TLE2: variants seen among roughly 807,000 people sequenced by gnomAD.
The protein encoded by TLE2 is transducin-like enhancer protein 2.
Under a neutral mutation model 97.2 loss-of-function variants are expected in TLE2, and 74 were observed. The observed-to-expected ratio is 0.76, with a 90% CI of 0.63 to 0.92. The LOEUF is 0.92. Ranked by LOEUF, TLE2 falls within the 40% of genes least tolerant of loss-of-function variation. TLE2 has a pLI of 0.00. For synonymous variants in TLE2, 499 were observed against 432.1 expected (o/e 1.15, Z -1.92); for missense variants, 1,038 against 1,008.7 (o/e 1.03, Z -0.39).
At chr19:3,030,649 G>T (rs1330243615), upstream of TLE2, among the ~76,000 whole-genome samples, 2 of 152,044 alleles carry the variant, frequency 1.3e-5, no homozygotes, top group Non-Finnish European at 2.9e-5. Context: ...ATGGGCCAGG[G>T]GTGGTGGGTC....
At position 3,009,718 on chromosome 19, in the gene TLE2, C is replaced by T. The variant is rs933179604; in HGVS notation, c.1013-16G>A. On this transcript the variant is annotated splice_polypyrimidine_tract_variant and intron_variant, in intron 12 of 19. Transcript: ENST00000262953. ...CTCCTCAGGGCTGAGACGGAAGAGT[C>T]GGGGACAGGTTTTGACGCCCTGGAC... is the stretch of plus-strand genomic sequence containing the variant. 15 of 1,600,836 alleles carry T rather than the reference C, an allele frequency of 9.4e-6. No individual in the cohort carries two copies. The highest frequency in any genetic ancestry group is 6.7e-5 in the East Asian group (3 of 44,522).
chr19:3,005,678 C>T (rs1366919932), intron 16 of TLE2, 43 bp downstream of exon 16: 11 of 1,606,488 alleles, frequency 6.8e-6, no homozygotes, highest in Middle Eastern at 1.7e-4. Context: ...GCACCGAGAG[C>T]GGCCGGGGGC....
chr19:3,039,655 C>T (rs1360464205), intron 1 of TLE2, among the ~76,000 whole-genome samples: 1 of 152,110 alleles, frequency 6.6e-6, no homozygotes, highest in African/African-American at 2.4e-5. Flanking sequence ...CTGCCCAGGC[C>T]CCAACACACC....
intron 5 of TLE2, among the ~76,000 whole-genome samples, chr19:3,022,890 T>A (rs2089872342): frequency 6.6e-6 from 1 of 152,232 alleles, no homozygotes; most frequent in East Asian, 1.9e-4. Flanking sequence ...GTCACTGTAA[T>A]GGGAAAGCTG....
Position 3,006,644 on chromosome 19 carries a change from C to G in TLE2, c.1276G>C (p.Asp426His). Residue 426 changes from aspartate (D) to histidine (H), a missense_variant, in exon 15 of 20, where the codon GAC becomes CAC. Asp to His is a moderately conservative substitution (Grantham distance 81, BLOSUM62 -1). Coordinates refer to ENST00000262953, the MANE Select transcript of TLE2 (RefSeq NM_003260.5). ...AAGGGAACCGGCTGCATCTGCCCGTCCGCAGACACGTGGAAGGAGTAGGCC... is the reference window on the plus strand; with the variant it reads ...AAGGGAACCGGCTGCATCTGCCCGTGCGCAGACACGTGGAAGGAGTAGGCC... ...KPAYSFHVSA[D>H]GQMQPVPFPS... 6.2e-7 allele frequency: 1 copy of G among 1,607,796 alleles called. No individual in the cohort carries two copies. The highest frequency in any genetic ancestry group is 8.5e-7 in the Non-Finnish European group (1 of 1,176,680).
intron 15 of TLE2, chr19:3,006,211 G>T: frequency 1.0e-6 from 1 of 995,950 alleles, no homozygotes; most frequent in Non-Finnish European, 1.6e-6. Flanking sequence ...TGTCCTGATT[G>T]TCTTGCAAGT....
chr19:3,019,876 C>T lies in TLE2; in HGVS notation c.295-103G>A. The T allele has an allele frequency of 7.2e-7, 1 of 1,383,894 alleles. No homozygotes were observed. The highest frequency in any genetic ancestry group is 9.8e-7 in the Non-Finnish European group (1 of 1,019,268). The allele number at this position is 1,383,894 out of a possible 1,614,324, so 85.7% of individuals were successfully genotyped here. ...CTCCCCGCCACCCTCTCATCTTTGC[C>T]CCGGTACTTCCCATTTCTCTTTTAT... On this transcript the variant is annotated intron_variant, in intron 5 of 19. Coordinates refer to ENST00000262953, the MANE Select transcript of TLE2 (RefSeq NM_003260.5). This position sits in a 1 kb window ranked among gnomAD's most constrained non-coding sequence, Gnocchi z 5.1.
Position 3,002,390 on chromosome 19 carries a change from G to C in TLE2, c.2010C>G (p.His670Gln), listed in dbSNP as rs200084747. 6.2e-7 allele frequency: 1 copy of C among 1,613,750 alleles called. No individual in the cohort carries two copies. Among genetic ancestry groups the C allele is most frequent in the East Asian group, 2.2e-5 (1 of 44,856 alleles). The part of the protein sequence containing the change: ...RKPEKYQLHL[H>Q]ESCVLSLKFA... Reference sequence around the variant, plus strand: ...ACTTCAGGGACAGCACGCAGCTCTCGTGGAGGTGCAGCTGGTATTTCTCCG... The same window carrying C: ...ACTTCAGGGACAGCACGCAGCTCTCCTGGAGGTGCAGCTGGTATTTCTCCG... The change falls in exon 18 of 20, where the codon CAC becomes CAG. Residue 670 changes from histidine (H) to glutamine (Q), a missense_variant. Physicochemically the swap from His to Gln is conservative, Grantham distance 24. Coordinates refer to ENST00000262953, the MANE Select transcript of TLE2 (RefSeq NM_003260.5).
upstream of TLE2, among the ~76,000 whole-genome samples, chr19:3,031,070 A>C (rs1014256455): frequency 6.6e-6 from 1 of 151,982 alleles, no homozygotes; most frequent in Non-Finnish European, 1.5e-5. Context: ...GTAAGGGTGG[A>C]TAAGGGAGAC....
intron 14 of TLE2, 38 bp from the exon 15 acceptor site, chr19:3,006,707 C>A (rs1241255217): frequency 3.2e-6 from 5 of 1,550,076 alleles, no homozygotes; most frequent in Non-Finnish European, 3.5e-6. Context: ...GCCCTGGGCA[C>A]CACGCCCCCG....
At chr19:3,015,949 T>G in intron 8 of TLE2, 189 bp from the exon 9 acceptor site, 1 of 681,592 alleles carries the variant, frequency 1.5e-6, no homozygotes. Flanking sequence ...CTGTTTTGTT[T>G]TGTTTTTGAC....
chr19:3,025,672 G>A, intron 4 of TLE2: 1 of 932,828 alleles, frequency 1.1e-6, no homozygotes, highest in Non-Finnish European at 1.3e-6. Context: ...GAAGGCGTGT[G>A]GGTGGGGAAG....
rs1033217118 is a variant in TLE2 at position 3,006,141 on chromosome 19, A to G, written c.1501-173T>C. ...CCCTTTGACCTGCAAACACTGCCCCATCTGACTATAAGCTCCATCCTTTAC... is the reference window on the plus strand; with the variant it reads ...CCCTTTGACCTGCAAACACTGCCCCGTCTGACTATAAGCTCCATCCTTTAC... On this transcript the variant is annotated intron_variant, in intron 15 of 19. Coordinates refer to ENST00000262953, the MANE Select transcript of TLE2 (RefSeq NM_003260.5). The G allele has an allele frequency of 7.3e-6, 7 of 956,030 alleles. No homozygotes were observed. In the African/African-American group the frequency reaches 8.0e-5, roughly 11 times the overall value. The allele number at this position is 956,030 out of a possible 1,614,324, so 59.2% of individuals were successfully genotyped here.
chr19:2,998,237 A>ATGTGTG lies in TLE2; in HGVS notation c.2125-288_2125-283dup, dbSNP rs56398458. Among the ~76,000 whole-genome samples the ATGTGTG allele has an allele frequency of 7.4e-3, 900 of 121,410 alleles. 9 individuals carry two copies. Among genetic ancestry groups the ATGTGTG allele is most frequent in the South Asian group, 0.026 (96 of 3,642 alleles). 79.6% of individuals were successfully genotyped at this position (121,410 alleles called of 152,430 possible). A position where few individuals can be genotyped will look rare whatever the true frequency, so the allele number is the denominator to read the frequency against. On this transcript the variant is annotated intron_variant, in intron 19 of 19. Transcript: ENST00000262953. ...AGGCGCCCGCAACCACGCCCGGCCA[A>ATGTGTG]TGTGTGTGTGTGTGTGTGTGTGTGT...
At chr19:3,042,125 CG>C (rs2090108289) in intron 1 of TLE2, among the ~76,000 whole-genome samples, 1 of 145,580 alleles carries the variant, frequency 6.9e-6, no homozygotes, top group South Asian at 2.2e-4. Flanking sequence ...CGCCCCTCCC[CG>C]GGACCCGAGA....
chr19:3,035,482 G>T (rs1424719727), intron 1 of TLE2, among the ~76,000 whole-genome samples: 2 of 151,980 alleles, frequency 1.3e-5, no homozygotes, highest in African/African-American at 4.8e-5. Context: ...TTACAGAGAG[G>T]CTCAGCCCCT....
chr19:3,032,639 A>G (rs1486622616), upstream of TLE2, among the ~76,000 whole-genome samples: 1 of 152,134 alleles, frequency 6.6e-6, no homozygotes, highest in African/African-American at 2.4e-5. The surrounding 1 kb of genome is among the most constrained non-coding windows in gnomAD (Gnocchi z 4.1). Context: ...GAGCCTGTCT[A>G]GGTCTCTGCG....
chr19:3,035,797 G>C (rs1314458356), intron 1 of TLE2, among the ~76,000 whole-genome samples: 1 of 152,196 alleles, frequency 6.6e-6, no homozygotes, highest in Non-Finnish European at 1.5e-5. Flanking sequence ...GCAGCTCGGC[G>C]CTCCCGGCGG....
At chr19:3,046,288 T>C (rs1329306562), upstream of TLE2, among the ~76,000 whole-genome samples, 1 of 152,234 alleles carries the variant, frequency 6.6e-6, no homozygotes, top group African/African-American at 2.4e-5. Context: ...CAAGACTGCC[T>C]GAAGGGCACA....
Sources: allele counts gnomAD v4.1 joint callset (sites outside exome capture counted in the v4.1 genomes callset), GRCh38; gene constraint gnomAD v4.1.1; non-coding constraint Gnocchi (gnomAD v3.1); transcripts MANE v1.5; gene names NCBI Gene and HGNC (gene_info 2026-07-23, HGNC 2026-07-21).